Variants in HMGCLL1 observed in about 807,000 individuals in gnomAD.
HMGCLL1 encodes 3-hydroxymethyl-3-methylglutaryl-CoA lyase, cytoplasmic.
Under a neutral mutation model 39.1 loss-of-function variants are expected in HMGCLL1, and 36 were observed. The observed-to-expected ratio is 0.92, with a 90% CI of 0.71 to 1.22. The LOEUF (loss-of-function observed/expected upper bound fraction) is 1.22. HMGCLL1 is among the 50% of genes most tolerant of loss of function. The probability of loss-of-function intolerance (pLI) is 0.00; values close to 1 mark genes in which losing one functional copy is unlikely to be tolerated. For synonymous variants in HMGCLL1, 149 were observed against 144.0 expected, an observed-to-expected ratio of 1.03 and a Z score of -0.25; for missense variants, 451 against 416.5, an observed-to-expected ratio of 1.08 and a Z score of -0.72.
At chr6:55,641,224 A>C in the HMGCLL1 span, among the ~76,000 whole-genome samples, 1 of 151,736 alleles carries the variant, frequency 6.6e-6, no homozygotes, top group African/African-American at 2.4e-5. Flanking sequence ...GGAGAGGGGA[A>C]GCAAATAATA....
At chr6:55,586,422 T>A in the HMGCLL1 span, among the ~76,000 whole-genome samples, 1 of 151,960 alleles carries the variant, frequency 6.6e-6, no homozygotes, top group Non-Finnish European at 1.5e-5. Context: ...TACTTTAAGT[T>A]TTAAGGTACA....
chr6:55,619,845 G>A, the HMGCLL1 span, among the ~76,000 whole-genome samples: 20 of 151,946 alleles, frequency 1.3e-4, no homozygotes, highest in African/African-American at 2.2e-4. Flanking sequence ...CACCGCCCCC[G>A]CTCCACTACC....
intron 3 of HMGCLL1, among the ~76,000 whole-genome samples, chr6:55,532,012 C>A (rs1220220036): frequency 6.6e-6 from 1 of 152,074 alleles, no homozygotes; most frequent in African/African-American, 2.4e-5. Context: ...CATCTGGAAA[C>A]TACCTCCCAC....
At chr6:55,580,408 T>TTC (rs1771957647), upstream of HMGCLL1, among the ~76,000 whole-genome samples, 1 of 39,770 alleles carries the variant, frequency 2.5e-5, no homozygotes, top group Non-Finnish European at 4.3e-5. Flanking sequence ...TTTTCTTTCT[T>TTC]TTTTTTTTTT....
At chr6:55,573,979 G>A (rs573259941) in intron 1 of HMGCLL1, among the ~76,000 whole-genome samples, 14 of 152,080 alleles carry the variant, frequency 9.2e-5, no homozygotes, top group East Asian at 5.8e-4. Context: ...AAGACAAATC[G>A]CTGATTTTAT....
chr6:55,616,272 G>C, the HMGCLL1 span, among the ~76,000 whole-genome samples: 2 of 152,018 alleles, frequency 1.3e-5, no homozygotes, highest in Non-Finnish European at 2.9e-5. Context: ...CTTGCCTACT[G>C]GGACTTGATC....
chr6:55,503,688 G>A (rs1189412899), intron 5 of HMGCLL1, among the ~76,000 whole-genome samples: 1 of 151,622 alleles, frequency 6.6e-6, no homozygotes, highest in Non-Finnish European at 1.5e-5. Context: ...AGTTAAACAT[G>A]TCTGAAGTGG....
At chr6:55,542,028 G>T (rs1422436950) in intron 2 of HMGCLL1, 32 bp downstream of exon 2, 1 of 1,284,080 alleles carries the variant, frequency 7.8e-7, no homozygotes, top group Non-Finnish European at 1.1e-6. Flanking sequence ...TTAATTTGTA[G>T]ACAGCATTTG....
chr6:55,524,013 T>C (rs1173432426), intron 3 of HMGCLL1, among the ~76,000 whole-genome samples: 1 of 151,980 alleles, frequency 6.6e-6, no homozygotes, highest in East Asian at 1.9e-4. Flanking sequence ...CCGTGTGAAG[T>C]GTGCAAAACT....
chr6:55,535,878 C>T (rs58006571), intron 3 of HMGCLL1, among the ~76,000 whole-genome samples: 3,893 of 152,278 alleles, frequency 0.026, 163 homozygotes, highest in African/African-American at 0.089. Context: ...TCAGCCCCTT[C>T]GTGCACCCTC....
Position 55,439,419 on chromosome 6 carries a change from G to T in HMGCLL1, c.921+15C>A. The stretch of plus-strand genomic sequence containing the variant: ...AAGGAATGCATGAATATTAAAATAC[G>T]TTAAAGTAACTTACTGTATTGAGCC... On this transcript the variant is annotated intron_variant, in intron 8 of 8. Coordinates refer to ENST00000274901, the MANE Select transcript of HMGCLL1 (RefSeq NM_001042406.2). The T allele has an allele frequency of 6.3e-7, 1 of 1,598,776 alleles. No homozygotes were observed.
At chr6:55,622,910 G>C in the HMGCLL1 span, among the ~76,000 whole-genome samples, 1 of 152,070 alleles carries the variant, frequency 6.6e-6, no homozygotes, top group Non-Finnish European at 1.5e-5. Context: ...TTTGCTGGGA[G>C]ACTTTTTATT....
chr6:55,630,536 G>A, the HMGCLL1 span, among the ~76,000 whole-genome samples: 1 of 152,058 alleles, frequency 6.6e-6, no homozygotes, highest in Admixed American at 6.6e-5. Flanking sequence ...GTTTTAAAAT[G>A]TGAGGACATG....
At chr6:55,551,551 G>A (rs1226719478) in intron 1 of HMGCLL1, among the ~76,000 whole-genome samples, 1 of 151,920 alleles carries the variant, frequency 6.6e-6, no homozygotes, top group Non-Finnish European at 1.5e-5. Flanking sequence ...AAAGGAGGGG[G>A]AGGAGAAGAA....
the HMGCLL1 span, among the ~76,000 whole-genome samples, chr6:55,662,354 A>C: frequency 6.6e-6 from 1 of 151,340 alleles, no homozygotes; most frequent in African/African-American, 2.4e-5. Flanking sequence ...TTTAAGGTAT[A>C]ATCCTTCAAT....
the HMGCLL1 span, among the ~76,000 whole-genome samples, chr6:55,655,815 G>T: frequency 6.6e-6 from 1 of 151,914 alleles, no homozygotes; most frequent in Non-Finnish European, 1.5e-5. Flanking sequence ...CTCATTATGT[G>T]AGAACATTTG....
At position 55,467,387 on chromosome 6, in the gene HMGCLL1, A is replaced by T. The variant is rs147817115; in HGVS notation, c.796-27828T>A. 3.5e-3 allele frequency among the ~76,000 whole-genome samples: 530 copies of T among 152,228 alleles called. 6 individuals are homozygous for T. The highest frequency in any genetic ancestry group is 0.012 in the African/African-American group (494 of 41,568). On this transcript the variant is annotated intron_variant, in intron 7 of 8. Coordinates refer to ENST00000274901, the MANE Select transcript of HMGCLL1 (RefSeq NM_001042406.2). Reference sequence around the variant, plus strand: ...GCTTCTTACGTACAAGCATGTGGAAATAAGTTGCCATGCCACCTAAGTGGA... The same window carrying T: ...GCTTCTTACGTACAAGCATGTGGAATTAAGTTGCCATGCCACCTAAGTGGA...
the HMGCLL1 span, among the ~76,000 whole-genome samples, chr6:55,666,814 C>T: frequency 6.6e-6 from 1 of 151,712 alleles, no homozygotes; most frequent in Non-Finnish European, 1.5e-5. Context: ...GACACATCAT[C>T]TGCCAAAACT....
chr6:55,516,700 G>C, intron 3 of HMGCLL1, 97 bp from the exon 4 acceptor site: 1 of 671,650 alleles, frequency 1.5e-6, no homozygotes. Context: ...TGGACAGTTA[G>C]AGTCTTTAAA....
Sources: gnomAD v4.1 joint callset for allele counts (sites outside exome capture counted in the v4.1 genomes callset) on GRCh38, gnomAD v4.1.1 for gene constraint, MANE v1.5 for transcripts, NCBI Gene and HGNC (gene_info 2026-07-23, HGNC 2026-07-21) for gene names.